ZNF791: variants seen among roughly 807,000 people sequenced by gnomAD.
ZNF791 encodes zinc finger protein 791.
Under a neutral mutation model 11.5 loss-of-function variants are expected in ZNF791, and 4 were observed. The observed-to-expected ratio is 0.35, with a 90% confidence interval of 0.17 to 0.80. The LOEUF is 0.80. ZNF791 is among the 30% of genes least tolerant of loss of function. ZNF791 has a pLI of 0.53. For synonymous variants in ZNF791, 212 were observed against 228.1 expected (o/e 0.93, Z 0.64); for missense variants, 559 against 699.4 (o/e 0.80, Z 2.26).
At chr19:12,623,849 T>C (rs2023387438) in intron 2 of ZNF791, 23 bp downstream of exon 2, 2 of 990,932 alleles carry the variant, frequency 2.0e-6, no homozygotes, top group South Asian at 3.1e-5. Context: ...TCATTTTTTC[T>C]TTTTTCTTTT....
At chr19:12,613,147 G>T (rs1445590830) in intron 1 of ZNF791, among the ~76,000 whole-genome samples, 1 of 151,666 alleles carries the variant, frequency 6.6e-6, no homozygotes, top group East Asian at 2.0e-4. Flanking sequence ...TTGAGTAGAG[G>T]CGGGGTTTCA....
At chr19:12,617,523 T>C (rs1347401603) in intron 1 of ZNF791, among the ~76,000 whole-genome samples, 1 of 152,158 alleles carries the variant, frequency 6.6e-6, no homozygotes, top group Non-Finnish European at 1.5e-5. Flanking sequence ...CTTCTGTTAC[T>C]GATTTCTAGA....
chr19:12,617,760 CT>C (rs1019193795), intron 1 of ZNF791, among the ~76,000 whole-genome samples: 1,089 of 51,692 alleles, frequency 0.021, 7 homozygotes, highest in African/African-American at 0.082. Context: ...TGCTGGAACT[CT>C]TTTTTTTTTT....
intron 1 of ZNF791, among the ~76,000 whole-genome samples, chr19:12,613,364 G>A (rs1379729182): frequency 2.0e-5 from 3 of 151,926 alleles, no homozygotes; most frequent in Non-Finnish European, 2.9e-5. Context: ...GGCGGATCAC[G>A]AGGTCAGGAG....
chr19:12,624,787 C>T lies in ZNF791; in HGVS notation c.191+77C>T, dbSNP rs549260543. On this transcript the variant is annotated intron_variant, in intron 3 of 3. Coordinates refer to ENST00000343325, the MANE Select transcript of ZNF791 (RefSeq NM_153358.3). ...TGTTATGGCCGGGCACGGTGGCTCA[C>T]ACCTGTAATCTCAGCACTTTGAGAG... 4.0e-4 allele frequency: 434 copies of T among 1,088,404 alleles called. 6 individuals are homozygous for T. The South Asian group carries it at 5.4e-3, about 14-fold the overall frequency. 67.4% of individuals were successfully genotyped at this position (1,088,404 alleles called of 1,614,324 possible).
intron 1 of ZNF791, among the ~76,000 whole-genome samples, chr19:12,618,966 G>T (rs1436954212): frequency 6.6e-6 from 1 of 151,324 alleles, no homozygotes; most frequent in African/African-American, 2.4e-5. Context: ...TCCTGCTTCA[G>T]CCTCCCGAGT....
At chr19:12,612,616 A>ATT (rs767002893) in intron 1 of ZNF791, among the ~76,000 whole-genome samples, 24 of 111,520 alleles carry the variant, frequency 2.2e-4, no homozygotes, top group African/African-American at 6.2e-4. Flanking sequence ...TAATTTTTGT[A>ATT]TTTTTTTTTT....
At chr19:12,623,418 GA>G (rs564695885) in intron 1 of ZNF791, 62 of 376,378 alleles carry the variant, frequency 1.6e-4, no homozygotes, top group East Asian at 4.0e-4. Context: ...CAAAAAGGAA[GA>G]AAAAAAAATT....
chr19:12,618,906 G>A (rs964490211), intron 1 of ZNF791, among the ~76,000 whole-genome samples: 1 of 150,560 alleles, frequency 6.6e-6, no homozygotes, highest in Non-Finnish European at 1.5e-5. Context: ...GGAGTGCAGT[G>A]GTGTGATCTC....
rs1226697249 is a variant in ZNF791 at position 12,632,939 on chromosome 19, C to CA, written c.*3685dup. ...TGAAACCCCGTCTCTACTATAAATACAAAAAATTAGCTGGGCATGGTGGCG... is the reference window on the plus strand; with the variant it reads ...TGAAACCCCGTCTCTACTATAAATACAAAAAAATTAGCTGGGCATGGTGGCG... On this transcript the variant is annotated 3_prime_UTR_variant, in exon 4 of 4. Transcript: ENST00000343325. 2 of 151,366 alleles carry CA rather than the reference C, an allele frequency of 1.3e-5. No individual in the cohort carries two copies. Among genetic ancestry groups the CA allele is most frequent in the African/African-American group, 2.4e-5 (1 of 41,174 alleles). The allele number at this position is 151,366 out of a possible 1,614,324, so 9.4% of individuals were successfully genotyped here.
intron 1 of ZNF791, among the ~76,000 whole-genome samples, chr19:12,622,797 G>A (rs2023374205): frequency 1.3e-5 from 2 of 151,920 alleles, no homozygotes; most frequent in African/African-American, 4.8e-5. Flanking sequence ...CGGAGGCTGA[G>A]GCAGAGAATT....
intron 2 of ZNF791, 66 bp downstream of exon 2, chr19:12,623,892 A>G (rs2023390805): frequency 6.6e-6 from 8 of 1,215,716 alleles, no homozygotes; most frequent in East Asian, 2.5e-5. Flanking sequence ...GAGTTTCACT[A>G]TTGTCCAGGC....
rs773945245 is a variant in ZNF791 at position 12,623,515 on chromosome 19, T to TA, written c.4-184dup. ...ACTACCATTAGAGAGCAATAGGACTTACAGTGACCACAGTGAAGATGTAGC... is the reference window on the plus strand; with the variant it reads ...ACTACCATTAGAGAGCAATAGGACTTAACAGTGACCACAGTGAAGATGTAGC... On this transcript the variant is annotated intron_variant, in intron 1 of 3. Transcript: ENST00000343325. 8.8e-6 allele frequency: 6 copies of TA among 681,510 alleles called. No individual in the cohort carries two copies. The Admixed American group carries it at 1.5e-4, about 17-fold the overall frequency. The allele number at this position is 681,510 out of a possible 1,614,324, so 42.2% of individuals were successfully genotyped here.
rs538141004 is a variant in ZNF791, at chr19:12,625,797, A to AG, written c.191+1087_191+1088insG. Among the ~76,000 whole-genome samples, 39 of 150,572 alleles carry AG rather than the reference A, an allele frequency of 2.6e-4. 1 individual carries two copies. In the South Asian group the frequency reaches 6.9e-3, roughly 27 times the overall value. ...GAGACTCCATCTCAAAAAAAAAAAA[A>AG]AAGAAGAAGAAGAAGAAAGAAAAAT... On this transcript the variant is annotated intron_variant, in intron 3 of 3. Transcript: ENST00000343325.
rs2023520106 is a variant in ZNF791, at chr19:12,633,132, A to T, written c.*3872A>T. ...AAATAAAATGAATTTCAGCTAGAAG[A>T]GCCTTATTCCATTTTCCTTTTTATT... On this transcript the variant is annotated 3_prime_UTR_variant, in exon 4 of 4. Coordinates refer to ENST00000343325, the MANE Select transcript of ZNF791 (RefSeq NM_153358.3). 1 of 152,142 alleles carries T rather than the reference A, an allele frequency of 6.6e-6. No individual in the cohort carries two copies. Among genetic ancestry groups the T allele is most frequent in the Non-Finnish European group, 1.5e-5 (1 of 68,028 alleles). The allele number at this position is 152,142 out of a possible 1,614,324, so 9.4% of individuals were successfully genotyped here. A position where few individuals can be genotyped will look rare whatever the true frequency, so the allele number is the denominator to read the frequency against.
intron 1 of ZNF791, among the ~76,000 whole-genome samples, chr19:12,619,516 C>A (rs1226787351): frequency 1.5e-5 from 2 of 133,002 alleles, no homozygotes; most frequent in East Asian, 4.4e-4. Flanking sequence ...GTGGCGCGAT[C>A]TGGGCTCACT....
chr19:12,626,114 T>G (rs144084605), intron 3 of ZNF791, among the ~76,000 whole-genome samples: 2,038 of 152,342 alleles, frequency 0.013, 40 homozygotes, highest in African/African-American at 0.047. Context: ...ACTCCCTGGT[T>G]CAAGGGATTC....
chr19:12,611,093 A>C lies in ZNF791; in HGVS notation c.3+11A>C. On this transcript the variant is annotated intron_variant, in intron 1 of 3. Coordinates refer to ENST00000343325, the MANE Select transcript of ZNF791 (RefSeq NM_153358.3). The stretch of plus-strand genomic sequence containing the variant: ...CGAGGCCGGAAAATGGTGAGTGTGC[A>C]GGGCCGGACTAGTTGGAACCGGCCG... 1 of 1,614,112 alleles carries C rather than the reference A, an allele frequency of 6.2e-7. No individual in the cohort carries two copies. Among genetic ancestry groups the C allele is most frequent in the Non-Finnish European group, 8.5e-7 (1 of 1,180,010 alleles).
chr19:12,614,153 G>C (rs892229403), intron 1 of ZNF791, among the ~76,000 whole-genome samples: 5 of 152,142 alleles, frequency 3.3e-5, no homozygotes, highest in African/African-American at 1.2e-4. Flanking sequence ...AGGAGGTGTG[G>C]AGCTCCCATA....
Sources: allele counts gnomAD v4.1 joint callset (sites outside exome capture counted in the v4.1 genomes callset), GRCh38; gene constraint gnomAD v4.1.1; transcripts MANE v1.5; gene names NCBI Gene and HGNC (gene_info 2026-07-23, HGNC 2026-07-21).